The following KDM1A variants were observed in gnomAD, a reference collection of about 807,000 sequenced individuals.
KDM1A encodes lysine demethylase 1A.
KDM1A carries 49 observed loss-of-function variants against 109.4 expected under a neutral mutation model. That is an observed-to-expected ratio of 0.45 (90% CI 0.36 to 0.57). The LOEUF is 0.57. Among genes scored for constraint, KDM1A ranks in the 20% least tolerant of loss-of-function variants. The pLI, the probability that KDM1A is intolerant of heterozygous loss-of-function variation, is 0.00. For missense variants in KDM1A, 668 were observed against 1,116.6 expected, an observed-to-expected ratio of 0.60 and a Z score of 5.73; for synonymous variants, 380 against 415.4, an observed-to-expected ratio of 0.91 and a Z score of 1.04.
intron 9 of KDM1A, among the ~76,000 whole-genome samples, chr1:23,064,075 A>G (rs1643094013): frequency 6.6e-6 from 1 of 152,116 alleles, no homozygotes; most frequent in Non-Finnish European, 1.5e-5. Flanking sequence ...TTTTTGTAGA[A>G]ATGGAGTCTC....
chr1:23,072,232 G>A, intron 14 of KDM1A, 35 bp downstream of exon 14: 1 of 1,432,920 alleles, frequency 7.0e-7, no homozygotes, highest in Non-Finnish European at 9.8e-7. Context: ...CAGAGGGAGA[G>A]CTTTTACTGT....
At chr1:23,066,423 G>C (rs918675772) in intron 10 of KDM1A, among the ~76,000 whole-genome samples, 1 of 152,178 alleles carries the variant, frequency 6.6e-6, no homozygotes, top group Non-Finnish European at 1.5e-5. Context: ...CTGGACCCCA[G>C]TTACTGAGCC....
chr1:23,036,079 GT>G (rs113472457), intron 2 of KDM1A, among the ~76,000 whole-genome samples: 6 of 150,654 alleles, frequency 4.0e-5, no homozygotes, highest in South Asian at 4.2e-4. Context: ...GAACCACTTT[GT>G]TTTTTTTTAA....
At chr1:23,049,780 T>C (rs913762812) in intron 3 of KDM1A, among the ~76,000 whole-genome samples, 3 of 152,168 alleles carry the variant, frequency 2.0e-5, no homozygotes, top group Non-Finnish European at 2.9e-5. Flanking sequence ...CATAGTAATA[T>C]TAGTAGTATA....
chr1:23,035,216 T>G (rs2124391765), intron 2 of KDM1A, among the ~76,000 whole-genome samples: 1 of 152,328 alleles, frequency 6.6e-6, no homozygotes, highest in African/African-American at 2.4e-5. Flanking sequence ...TGTTTGTTTG[T>G]TTTGAGACGG....
chr1:23,034,624 C>T (rs1407795545), intron 2 of KDM1A, among the ~76,000 whole-genome samples: 1 of 152,062 alleles, frequency 6.6e-6, no homozygotes, highest in Non-Finnish European at 1.5e-5. Context: ...GGAAACATGA[C>T]TCCATTTTTT....
intron 1 of KDM1A, among the ~76,000 whole-genome samples, chr1:23,025,249 A>G (rs539434940): frequency 1.7e-4 from 26 of 152,342 alleles, no homozygotes; most frequent in Non-Finnish European, 3.8e-4. Context: ...CCATTATGAC[A>G]AAAAGTTCTA....
intron 15 of KDM1A, among the ~76,000 whole-genome samples, chr1:23,076,268 A>C (rs980522117): frequency 5.3e-5 from 8 of 152,142 alleles, no homozygotes; most frequent in African/African-American, 1.9e-4. Context: ...AAAAAATGTT[A>C]CATAGAAAAA....
At chr1:23,030,132 C>T (rs1641938291) in intron 1 of KDM1A, among the ~76,000 whole-genome samples, 1 of 152,146 alleles carries the variant, frequency 6.6e-6, no homozygotes, top group African/African-American at 2.4e-5. Context: ...GTCTGAGGGT[C>T]ATTTTATTCT....
intron 19 of KDM1A, 39 bp downstream of exon 19, chr1:23,081,612 A>G (rs1480234471): frequency 1.9e-6 from 3 of 1,610,338 alleles, no homozygotes; most frequent in Non-Finnish European, 2.5e-6. Flanking sequence ...TCTAGGGTTC[A>G]GACTCAACCA....
intron 1 of KDM1A, among the ~76,000 whole-genome samples, chr1:23,025,754 C>T (rs1470063032): frequency 1.3e-5 from 2 of 152,112 alleles, no homozygotes; most frequent in Non-Finnish European, 2.9e-5. Flanking sequence ...GTTGGTAGAG[C>T]AGCATTGAGG....
At chr1:23,065,171 A>G (rs913902770) in intron 9 of KDM1A, among the ~76,000 whole-genome samples, 2 of 152,200 alleles carry the variant, frequency 1.3e-5, no homozygotes, top group Admixed American at 1.3e-4. Flanking sequence ...GCGATTGCCA[A>G]TATTTCAATT....
At chr1:23,035,595 C>T (rs886172033) in intron 2 of KDM1A, among the ~76,000 whole-genome samples, 3 of 152,114 alleles carry the variant, frequency 2.0e-5, no homozygotes, top group Non-Finnish European at 4.4e-5. Context: ...GGCTTGTTCA[C>T]ATAATAATCA....
chr1:23,073,232 T>A, intron 14 of KDM1A, 60 bp from the exon 15 acceptor site: 1 of 895,802 alleles, frequency 1.1e-6, no homozygotes, highest in African/African-American at 1.6e-5. Flanking sequence ...ATCACCTACA[T>A]CACACTGAGA....
At chr1:23,020,169 G>T (rs1641579409) in intron 1 of KDM1A, 2 of 428,528 alleles carry the variant, frequency 4.7e-6, no homozygotes, top group Non-Finnish European at 8.1e-6. Flanking sequence ...CCCGAGCGAC[G>T]TGGGAAGGGG....
chr1:23,066,597 C>T (rs1365153838), intron 10 of KDM1A, among the ~76,000 whole-genome samples: 2 of 152,152 alleles, frequency 1.3e-5, no homozygotes, highest in African/African-American at 2.4e-5. Context: ...ATTGTAGAGG[C>T]ATATGTGATC....
At chr1:23,036,531 T>G (rs1189660711) in intron 2 of KDM1A, among the ~76,000 whole-genome samples, 3 of 143,660 alleles carry the variant, frequency 2.1e-5, no homozygotes, top group Non-Finnish European at 4.5e-5. Flanking sequence ...CCAAAATACC[T>G]TACTGGAGGG....
intron 9 of KDM1A, among the ~76,000 whole-genome samples, chr1:23,059,791 A>T (rs951995154): frequency 6.6e-6 from 1 of 152,230 alleles, no homozygotes; most frequent in African/African-American, 2.4e-5. Flanking sequence ...GTGAAATTCA[A>T]AAGTTTGTAT....
intron 2 of KDM1A, among the ~76,000 whole-genome samples, chr1:23,036,046 A>G (rs1189969410): frequency 6.6e-6 from 1 of 151,962 alleles, no homozygotes; most frequent in Non-Finnish European, 1.5e-5. Context: ...GGCAGCATAG[A>G]TAGTAATGGC....
Sources: gnomAD v4.1 joint callset for allele counts (sites outside exome capture counted in the v4.1 genomes callset) on GRCh38, gnomAD v4.1.1 for gene constraint, MANE v1.5 for transcripts, NCBI Gene and HGNC (gene_info 2026-07-23, HGNC 2026-07-21) for gene names.